STK3: variants seen among roughly 807,000 people sequenced by gnomAD.
The protein encoded by STK3 is serine/threonine-protein kinase 3.
STK3 carries 41 observed loss-of-function variants against 58.0 expected under a neutral mutation model. The observed-to-expected ratio is 0.71, with a 90% CI of 0.55 to 0.92. The LOEUF is 0.92. STK3 is among the 40% of genes least tolerant of loss of function. STK3 has a pLI of 0.00. For missense variants in STK3, 479 were observed against 602.7 expected, an observed-to-expected ratio of 0.79 and a Z score of 2.15; for synonymous variants, 170 against 191.0, an observed-to-expected ratio of 0.89 and a Z score of 0.91.
At chr8:98,347,725 G>C in the STK3 span, among the ~76,000 whole-genome samples, 2 of 152,074 alleles carry the variant, frequency 1.3e-5, no homozygotes, top group Admixed American at 6.5e-5. Context: ...AAAAAAGCAA[G>C]ACTGACCTAT....
At chr8:98,571,310 G>A (rs991603378) in intron 8 of STK3, among the ~76,000 whole-genome samples, 13 of 152,026 alleles carry the variant, frequency 8.6e-5, no homozygotes, top group African/African-American at 3.1e-4. Context: ...CAGCCTGGGC[G>A]AGAGAGTGAG....
chr8:98,682,457 T>G (rs1387440394), intron 6 of STK3, among the ~76,000 whole-genome samples: 1 of 152,198 alleles, frequency 6.6e-6, no homozygotes, highest in East Asian at 1.9e-4. Flanking sequence ...CTTCAGTTTA[T>G]AAGTCACTTA....
At chr8:98,811,131 T>C (rs1432410637) in intron 1 of STK3, among the ~76,000 whole-genome samples, 1 of 152,214 alleles carries the variant, frequency 6.6e-6, no homozygotes, top group Non-Finnish European at 1.5e-5. Context: ...AATTGGTATC[T>C]GCCCTCTAGA....
intron 6 of STK3, among the ~76,000 whole-genome samples, chr8:98,690,594 T>C (rs774137518): frequency 1.3e-5 from 2 of 152,030 alleles, no homozygotes; most frequent in Non-Finnish European, 2.9e-5. Flanking sequence ...GTTGGAAGAA[T>C]CAATATTGTT....
intron 2 of STK3, among the ~76,000 whole-genome samples, chr8:98,377,100 A>G (rs1456292706): frequency 2.0e-5 from 3 of 152,064 alleles, no homozygotes; most frequent in Non-Finnish European, 4.4e-5. Flanking sequence ...CTGTCATTTT[A>G]GACATCAACT....
chr8:98,712,629 T>G (rs546336762), intron 4 of STK3, among the ~76,000 whole-genome samples: 1 of 152,092 alleles, frequency 6.6e-6, no homozygotes, highest in African/African-American at 2.4e-5. Flanking sequence ...CCCAGATTCA[T>G]AAAGCAAGTC....
intron 4 of STK3, among the ~76,000 whole-genome samples, chr8:98,744,678 C>T (rs1283672888): frequency 6.6e-6 from 1 of 151,514 alleles, no homozygotes; most frequent in Non-Finnish European, 1.5e-5. Context: ...CACATGTATA[C>T]ATATGTAACT....
chr8:98,894,791 C>T (rs1031336418), intron 1 of STK3, among the ~76,000 whole-genome samples: 4 of 152,078 alleles, frequency 2.6e-5, no homozygotes, highest in Non-Finnish European at 4.4e-5. Flanking sequence ...ACTTAAAATA[C>T]CTTACTCCTC....
At chr8:98,871,288 G>A (rs932789812) in intron 3 of STK3, among the ~76,000 whole-genome samples, 4 of 152,162 alleles carry the variant, frequency 2.6e-5, no homozygotes, top group African/African-American at 9.7e-5. Flanking sequence ...GATGCCTCCA[G>A]CTTTGTTCTT....
chr8:98,795,129 T>C (rs181294046), intron 1 of STK3, among the ~76,000 whole-genome samples: 113 of 95,936 alleles, frequency 1.2e-3, no homozygotes, highest in African/African-American at 3.8e-3. Flanking sequence ...TATATATATA[T>C]ACATACTAGT....
chr8:98,522,035 T>C (rs559863592), intron 10 of STK3, among the ~76,000 whole-genome samples: 13 of 152,324 alleles, frequency 8.5e-5, no homozygotes, highest in African/African-American at 3.1e-4. Context: ...CAAAGTAAAA[T>C]ATTTGTTAAA....
In STK3 at chr8:98,749,342, G is replaced by C. The variant is rs759177150; in HGVS notation, c.285C>G (p.Leu95=). Residue 95 remains leucine (L), a synonymous_variant, in exon 4 of 11, where the codon CTC becomes CTG. Transcript: ENST00000419617. The part of the protein sequence containing the change: ...YYGSYFKNTD[L]WIVMEYCGAG... Reference sequence around the variant, plus strand: ...CGCCACAGTACTCCATAACAATCCAGAGGTCTGTATTCTTAAAATAACTGC... The same window carrying C: ...CGCCACAGTACTCCATAACAATCCACAGGTCTGTATTCTTAAAATAACTGC... The C allele has an allele frequency of 6.2e-7, 1 of 1,608,914 alleles. No homozygotes were observed. The highest frequency in any genetic ancestry group is 2.2e-5 in the East Asian group (1 of 44,734).
chr8:98,807,397 C>T (rs535418166), intron 1 of STK3, among the ~76,000 whole-genome samples: 15 of 152,072 alleles, frequency 9.9e-5, no homozygotes, highest in African/African-American at 3.4e-4. Flanking sequence ...GCTGGGATTA[C>T]AGAAGCACAC....
intron 1 of STK3, among the ~76,000 whole-genome samples, chr8:98,796,659 A>T (rs977476745): frequency 5.3e-5 from 8 of 152,244 alleles, no homozygotes; most frequent in African/African-American, 1.9e-4. Flanking sequence ...AACTCTCAAC[A>T]GAGTAAACAG....
At chr8:98,755,725 T>C (rs941747208) in intron 3 of STK3, among the ~76,000 whole-genome samples, 13 of 152,258 alleles carry the variant, frequency 8.5e-5, no homozygotes, top group South Asian at 2.1e-4. Flanking sequence ...TATTACATCC[T>C]GCAAGGACTT....
chr8:98,488,057 A>G (rs1255955676), intron 10 of STK3, among the ~76,000 whole-genome samples: 2 of 152,230 alleles, frequency 1.3e-5, no homozygotes, highest in East Asian at 1.9e-4. Context: ...GCACTGAATC[A>G]TAAGAGGAAA....
At chr8:98,740,525 T>C (rs899504557) in intron 4 of STK3, among the ~76,000 whole-genome samples, 6 of 152,046 alleles carry the variant, frequency 3.9e-5, no homozygotes, top group Non-Finnish European at 8.8e-5. Flanking sequence ...AATAAAATAC[T>C]TAACAGACAA....
intron 4 of STK3, among the ~76,000 whole-genome samples, chr8:98,739,240 G>C (rs1828950679): frequency 6.6e-6 from 1 of 152,238 alleles, no homozygotes; most frequent in Non-Finnish European, 1.5e-5. Context: ...GAAGACAGCA[G>C]TGGTTCTCCC....
chr8:98,599,568 T>C (rs564827867), intron 6 of STK3, among the ~76,000 whole-genome samples: 4 of 152,136 alleles, frequency 2.6e-5, no homozygotes, highest in South Asian at 2.1e-4. Flanking sequence ...TGCCTAGCAA[T>C]TGAAGGGTAA....
Sources: gnomAD v4.1 joint callset for allele counts (sites outside exome capture counted in the v4.1 genomes callset) on GRCh38, gnomAD v4.1.1 for gene constraint, MANE v1.5 for transcripts, NCBI Gene and HGNC (gene_info 2026-07-23, HGNC 2026-07-21) for gene names.